Variants in KIAA1549L observed in about 807,000 individuals in gnomAD.
KIAA1549L encodes KIAA1549 like.
KIAA1549L carries 88 observed loss-of-function variants against 160.7 expected under a neutral mutation model. The ratio of observed to expected loss-of-function variants is 0.55; its 90% CI spans 0.46 to 0.65. The LOEUF (loss-of-function observed/expected upper bound fraction) is 0.65. Among genes scored for constraint, KIAA1549L ranks in the 30% least tolerant of loss-of-function variants. KIAA1549L has a pLI of 0.00. For missense variants in KIAA1549L, 2,258 were observed against 2,437.5 expected, an observed-to-expected ratio of 0.93 and a Z score of 1.55; for synonymous variants, 950 against 976.7, an observed-to-expected ratio of 0.97 and a Z score of 0.51.
intron 10 of KIAA1549L, among the ~76,000 whole-genome samples, chr11:33,580,602 GAAAA>G (rs71457309): frequency 7.2e-6 from 1 of 138,350 alleles, no homozygotes; most frequent in Non-Finnish European, 1.6e-5. Context: ...GAAAAGAAAA[GAAAA>G]AAAAAGCCAC....
chr11:33,673,141 C>T lies in KIAA1549L; in HGVS notation c.*4987C>T, dbSNP rs545027915. ...ATTTAGGAAATATAATTGTGCCACA[C>T]ACACATTACTTTAGAAGATATGCAG... On this transcript the variant is annotated 3_prime_UTR_variant, in exon 21 of 21. Coordinates refer to ENST00000658780, the MANE Select transcript of KIAA1549L (RefSeq NM_012194.3). 6.6e-6 allele frequency: 1 copy of T among 152,274 alleles called. No homozygotes were observed. Among genetic ancestry groups the T allele is most frequent in the East Asian group, 1.9e-4 (1 of 5,178 alleles). The allele number at this position is 152,274 out of a possible 1,614,324, so 9.4% of individuals were successfully genotyped here. A position where few individuals can be genotyped will look rare whatever the true frequency, so the allele number is the denominator to read the frequency against.
intron 13 of KIAA1549L, among the ~76,000 whole-genome samples, chr11:33,600,530 G>T (rs1564918545): frequency 7.0e-6 from 1 of 142,388 alleles, no homozygotes; most frequent in African/African-American, 2.6e-5. Context: ...TCCCAGCTCC[G>T]CCTACTCCCT....
intron 1 of KIAA1549L, among the ~76,000 whole-genome samples, chr11:33,456,029 G>A (rs1851814174): frequency 6.6e-6 from 1 of 152,162 alleles, no homozygotes; most frequent in African/African-American, 2.4e-5. Context: ...TTAGGAAAGT[G>A]GAAGATCAGT....
intron 16 of KIAA1549L, among the ~76,000 whole-genome samples, chr11:33,642,402 C>T (rs547845126): frequency 6.6e-6 from 1 of 152,316 alleles, no homozygotes; most frequent in South Asian, 2.1e-4. Context: ...AGGCAAGTTA[C>T]TTCTATAGAA....
chr11:33,547,648 T>A lies in KIAA1549L; in HGVS notation c.3386-116T>A, dbSNP rs1590331625. ...GCGCACCCCCTCAATGATGGCCCTG[T>A]GCTTACCGGCTCTGCCCAGAACTTG... On this transcript the variant is annotated intron_variant, in intron 3 of 20. Coordinates refer to ENST00000658780, the MANE Select transcript of KIAA1549L (RefSeq NM_012194.3). The A allele has an allele frequency of 1.5e-5, 10 of 671,374 alleles. 1 individual carries two copies. The South Asian group carries it at 1.8e-4, about 12-fold the overall frequency. The allele number at this position is 671,374 out of a possible 1,614,324, so 41.6% of individuals were successfully genotyped here.
intron 20 of KIAA1549L, among the ~76,000 whole-genome samples, chr11:33,663,566 C>T: frequency 6.6e-6 from 1 of 152,212 alleles, no homozygotes; most frequent in East Asian, 1.9e-4. Flanking sequence ...TACCATAGAG[C>T]TGAGGGGTCT....
chr11:33,385,307 A>G (rs1319648514), intron 1 of KIAA1549L, among the ~76,000 whole-genome samples: 3 of 152,230 alleles, frequency 2.0e-5, no homozygotes, highest in Admixed American at 2.0e-4. Context: ...ATGCCAGTAC[A>G]ACACTGTCTT....
At chr11:33,498,656 A>G (rs1031722973) in intron 1 of KIAA1549L, among the ~76,000 whole-genome samples, 2 of 152,160 alleles carry the variant, frequency 1.3e-5, no homozygotes, top group African/African-American at 4.8e-5. Flanking sequence ...GTCCTAGAAC[A>G]TTTCTTCCAT....
chr11:33,516,877 C>G (rs1366221452), intron 1 of KIAA1549L, among the ~76,000 whole-genome samples: 1 of 152,106 alleles, frequency 6.6e-6, no homozygotes, highest in Non-Finnish European at 1.5e-5. Context: ...AGTTATTTTA[C>G]TTTTTGAAAA....
intron 1 of KIAA1549L, among the ~76,000 whole-genome samples, chr11:33,511,511 C>A (rs1853226693): frequency 1.3e-5 from 2 of 152,140 alleles, no homozygotes; most frequent in Admixed American, 6.6e-5. Context: ...TGGGAAAGGC[C>A]ACTGGAGGAA....
At chr11:33,567,556 A>G (rs1445279559) in intron 8 of KIAA1549L, among the ~76,000 whole-genome samples, 2 of 152,238 alleles carry the variant, frequency 1.3e-5, no homozygotes, top group Non-Finnish European at 2.9e-5. Flanking sequence ...TAGTCTGCCC[A>G]GATATAAGGG....
At position 33,655,517 on chromosome 11, in the gene KIAA1549L, A is replaced by G. The variant is rs190866599; in HGVS notation, c.5761-495A>G. Among the ~76,000 whole-genome samples, 8 of 152,368 alleles carry G rather than the reference A, an allele frequency of 5.3e-5. No individual in the cohort carries two copies. The East Asian group carries it at 1.5e-3, about 29-fold the overall frequency. ...CTAATATTTATTGATAACCTGTTATATACCAGGCACTGTTCCAGGTATAAG... is the reference window on the plus strand; with the variant it reads ...CTAATATTTATTGATAACCTGTTATGTACCAGGCACTGTTCCAGGTATAAG... On this transcript the variant is annotated intron_variant, in intron 17 of 20. Coordinates refer to ENST00000658780, the MANE Select transcript of KIAA1549L (RefSeq NM_012194.3).
intron 1 of KIAA1549L, among the ~76,000 whole-genome samples, chr11:33,439,728 G>A (rs1427596767): frequency 6.6e-6 from 1 of 151,848 alleles, no homozygotes; most frequent in Non-Finnish European, 1.5e-5. Context: ...TCTATGCATC[G>A]GGTACATTTT....
intron 4 of KIAA1549L, among the ~76,000 whole-genome samples, chr11:33,549,453 G>A (rs1854380434): frequency 6.6e-6 from 1 of 152,202 alleles, no homozygotes; most frequent in Non-Finnish European, 1.5e-5. Context: ...GGGGTCATTA[G>A]AAGGGTTGAA....
intron 1 of KIAA1549L, among the ~76,000 whole-genome samples, chr11:33,413,057 G>A (rs1360420314): frequency 6.6e-6 from 1 of 152,064 alleles, no homozygotes; most frequent in Admixed American, 6.6e-5. Flanking sequence ...CCAAAGCCAG[G>A]TCTGGGGAAC....
At chr11:33,655,117 G>T (rs1455607679) in intron 17 of KIAA1549L, among the ~76,000 whole-genome samples, 3 of 152,216 alleles carry the variant, frequency 2.0e-5, no homozygotes, top group Non-Finnish European at 4.4e-5. Flanking sequence ...AAAGGAGGTT[G>T]TGGCCTGGCT....
At chr11:33,664,707 G>A (rs1280173156) in intron 20 of KIAA1549L, among the ~76,000 whole-genome samples, 1 of 152,186 alleles carries the variant, frequency 6.6e-6, no homozygotes, top group African/African-American at 2.4e-5. Flanking sequence ...CAGAAAGTGG[G>A]CCCTCACCAG....
intron 1 of KIAA1549L, among the ~76,000 whole-genome samples, chr11:33,530,435 AAATATATATATATATAT>A (rs1362544543): frequency 0.011 from 77 of 7,070 alleles, 2 homozygotes; most frequent in Admixed American, 0.034. Flanking sequence ...AAAAAAAAAA[AAATATATATATATATAT>A]ATATATATAT....
chr11:33,597,298 T>C (rs2133300621), intron 12 of KIAA1549L, among the ~76,000 whole-genome samples: 1 of 152,310 alleles, frequency 6.6e-6, no homozygotes, highest in South Asian at 2.1e-4. Context: ...CCCATAGATA[T>C]CCCAACTTTG....
Sources: allele counts gnomAD v4.1 joint callset (sites outside exome capture counted in the v4.1 genomes callset), GRCh38; gene constraint gnomAD v4.1.1; transcripts MANE v1.5; gene names NCBI Gene and HGNC (gene_info 2026-07-23, HGNC 2026-07-21).